ITGA2: variants seen among roughly 807,000 people sequenced by gnomAD.
The protein encoded by ITGA2 is integrin alpha-2.
Under a neutral mutation model 146.3 loss-of-function variants are expected in ITGA2, and 101 were observed. The ratio of observed to expected loss-of-function variants is 0.69; its 90% confidence interval spans 0.59 to 0.81. The LOEUF (loss-of-function observed/expected upper bound fraction) is 0.81. ITGA2 is among the 40% of genes least tolerant of loss of function. ITGA2 has a pLI of 0.00. For synonymous variants in ITGA2, 477 were observed against 487.1 expected (o/e 0.98, Z 0.27); for missense variants, 1,281 against 1,402.7 (o/e 0.91, Z 1.39).
rs142811893 is a variant in ITGA2, at chr5:53,005,983, G to T, written c.64+16451G>T. Among the ~76,000 whole-genome samples, 1,296 of 152,188 alleles carry T rather than the reference G, an allele frequency of 8.5e-3. 24 individuals carry two copies. Among genetic ancestry groups the T allele is most frequent in the African/African-American group, 0.03 (1,233 of 41,526 alleles). On this transcript the variant is annotated intron_variant, in intron 1 of 29. Coordinates refer to ENST00000296585, the MANE Select transcript of ITGA2 (RefSeq NM_002203.4). ...AGAAACAGAAAACCAAACACAGCAT[G>T]TTCTCACTCGTAAGTGGAAGCTGAA... is the stretch of plus-strand genomic sequence containing the variant.
chr5:53,036,044 T>TATTC (rs74507381), intron 2 of ITGA2, among the ~76,000 whole-genome samples: 10,537 of 149,936 alleles, frequency 0.07, 827 homozygotes, highest in African/African-American at 0.2. Flanking sequence ...CTTTGACTCG[T>TATTC]ATTCATTCAT....
intron 6 of ITGA2, among the ~76,000 whole-genome samples, chr5:53,050,593 T>A (rs1259316263): frequency 6.6e-6 from 1 of 152,146 alleles, no homozygotes; most frequent in Non-Finnish European, 1.5e-5. Flanking sequence ...TGACCTGTAT[T>A]TCAGAGAGCC....
chr5:53,014,343 A>G (rs1742299283), intron 1 of ITGA2, among the ~76,000 whole-genome samples: 1 of 152,180 alleles, frequency 6.6e-6, no homozygotes, highest in Non-Finnish European at 1.5e-5. Context: ...GTTTTTCTGC[A>G]TCTATTCAGA....
At position 53,090,465 on chromosome 5, in the gene ITGA2, C is replaced by T. The variant is rs1232053309; in HGVS notation, c.3466-54C>T. On this transcript the variant is annotated intron_variant, in intron 29 of 29. Transcript: ENST00000296585. ...CGTGGGCAGCCAAGGGGGTCAGAGG[C>T]ACCTTACAAAATAAGCCACGGGTGG... is the stretch of plus-strand genomic sequence containing the variant. 5 of 1,502,234 alleles carry T rather than the reference C, an allele frequency of 3.3e-6. No individual in the cohort carries two copies. In the African/African-American group the frequency reaches 6.9e-5, roughly 21 times the overall value. 93.1% of individuals were successfully genotyped at this position (1,502,234 alleles called of 1,614,324 possible).
chr5:53,000,833 A>G (rs1410511370), intron 1 of ITGA2, among the ~76,000 whole-genome samples: 1 of 147,926 alleles, frequency 6.8e-6, no homozygotes, highest in Non-Finnish European at 1.5e-5. Flanking sequence ...ATTTGACAAA[A>G]TTGTTTGAGG....
intron 2 of ITGA2, among the ~76,000 whole-genome samples, chr5:53,031,686 C>G (rs539947992): frequency 1.3e-5 from 2 of 152,276 alleles, no homozygotes; most frequent in Admixed American, 1.3e-4. Flanking sequence ...AATTCTGGAG[C>G]CTTTTTAACA....
chr5:53,031,400 G>A (rs3756537), intron 2 of ITGA2, among the ~76,000 whole-genome samples: 41,815 of 151,904 alleles, frequency 0.28, 5,849 homozygotes, highest in Admixed American at 0.32. Flanking sequence ...GACTTTCTTT[G>A]TAATCTTTCT....
At chr5:53,053,710 A>G (rs1432451062) in intron 7 of ITGA2, among the ~76,000 whole-genome samples, 1 of 152,078 alleles carries the variant, frequency 6.6e-6, no homozygotes, top group East Asian at 1.9e-4. Flanking sequence ...GCCCAGTGCT[A>G]GGAGAATCAC....
At chr5:53,084,477 T>C (rs991497424) in intron 27 of ITGA2, among the ~76,000 whole-genome samples, 3 of 152,094 alleles carry the variant, frequency 2.0e-5, no homozygotes, top group African/African-American at 7.2e-5. Context: ...ATAAGCAATA[T>C]TCTTGGACAA....
In ITGA2 at chr5:53,045,085, G is replaced by A. The variant is rs766091973; in HGVS notation, c.380G>A (p.Gly127Asp). 1 of 1,612,144 alleles carries A rather than the reference G, an allele frequency of 6.2e-7. No homozygotes were observed. Among genetic ancestry groups the A allele is most frequent in the Non-Finnish European group, 8.5e-7 (1 of 1,178,270 alleles). Residue 127 changes from glycine (G) to aspartate (D), a missense_variant, in exon 4 of 30, where the codon GGT (glycine) becomes GAT (aspartate). Around this residue, in one of 3 missense-constraint regions of ITGA2, gnomAD observed 795 missense variants for 841.7 expected, o/e 0.94. Coordinates refer to ENST00000296585, the MANE Select transcript of ITGA2 (RefSeq NM_002203.4). The stretch of plus-strand genomic sequence containing the variant: ...CTCACCAGGAACATGGGAACTGGAG[G>A]TTTTCTCGTGAGTGTTTACTTTACA... ...LILTRNMGTGGFLTCGPLWAQ... is the reference protein window; with the variant it reads ...LILTRNMGTGDFLTCGPLWAQ...
intron 1 of ITGA2, among the ~76,000 whole-genome samples, chr5:53,021,538 T>A (rs1415208155): frequency 6.6e-6 from 1 of 152,144 alleles, no homozygotes; most frequent in Non-Finnish European, 1.5e-5. Flanking sequence ...CCTAATTGTG[T>A]CCCCTGTGTC....
intron 20 of ITGA2, among the ~76,000 whole-genome samples, chr5:53,074,035 C>T (rs970677818): frequency 2.7e-5 from 4 of 149,956 alleles, no homozygotes; most frequent in Admixed American, 2.7e-4. Flanking sequence ...GAAAATGCTT[C>T]AAATAAATTG....
At chr5:53,032,252 T>A (rs368731496) in intron 2 of ITGA2, among the ~76,000 whole-genome samples, 2 of 152,216 alleles carry the variant, frequency 1.3e-5, no homozygotes, top group Non-Finnish European at 2.9e-5. Context: ...CTACATGTGT[T>A]ATGAATATAG....
intron 1 of ITGA2, among the ~76,000 whole-genome samples, chr5:53,009,652 G>T: frequency 6.6e-6 from 1 of 152,082 alleles, no homozygotes; most frequent in East Asian, 1.9e-4. Flanking sequence ...AGCCTATCTA[G>T]ATTGATTATA....
At chr5:53,061,105 G>T (rs780981438) in intron 12 of ITGA2, 59 bp downstream of exon 12, 12 of 1,560,172 alleles carry the variant, frequency 7.7e-6, no homozygotes, top group Non-Finnish European at 1.1e-5. Context: ...CAGGTGGGGA[G>T]TCAGGTGAAC....
chr5:53,053,831 T>A (rs1833557), intron 7 of ITGA2, among the ~76,000 whole-genome samples: 134,301 of 152,140 alleles, frequency 0.88, 59,668 homozygotes, highest in Admixed American at 0.93. Flanking sequence ...ATTTCAGTAA[T>A]TGTTGCCATG....
chr5:53,063,013 T>C, intron 13 of ITGA2, 84 bp downstream of exon 13: 1 of 1,081,940 alleles, frequency 9.2e-7, no homozygotes, highest in Non-Finnish European at 1.4e-6. Flanking sequence ...AATTTATTAT[T>C]ATTGAATGAT....
chr5:53,085,073 T>C (rs1023069455), intron 27 of ITGA2, among the ~76,000 whole-genome samples: 3 of 152,204 alleles, frequency 2.0e-5, no homozygotes, highest in African/African-American at 7.2e-5. Flanking sequence ...TCTTCCTCCT[T>C]CATGAAAAGT....
rs1315999959 is a variant in ITGA2 at position 53,081,673 on chromosome 5, A to G, written c.3121A>G (p.Asn1041Asp). 3.7e-6 allele frequency: 6 copies of G among 1,612,238 alleles called. No homozygotes were observed. The highest frequency in any genetic ancestry group is 4.2e-6 in the Non-Finnish European group (5 of 1,178,848). The part of the protein sequence containing the change: ...TSSSVSFKSE[N>D]FRHTKELNCR... Reference sequence around the variant, plus strand: ...TTCTTCTGTATCTTTCAAAAGTGAAAATTTCAGGCACACCAAAGAATTGGT... The same window carrying G: ...TTCTTCTGTATCTTTCAAAAGTGAAGATTTCAGGCACACCAAAGAATTGGT... The change falls in exon 26 of 30, where the codon AAT (asparagine) becomes GAT (aspartate). Residue 1041 changes from asparagine (N) to aspartate (D), a missense_variant. Asn to Asp is a conservative substitution (Grantham distance 23). Transcript: ENST00000296585.
Sources: gnomAD v4.1 joint callset for allele counts (sites outside exome capture counted in the v4.1 genomes callset) on GRCh38, gnomAD v4.1.1 for gene constraint, gnomAD v4.1.1 regional missense constraint, MANE v1.5 for transcripts, NCBI Gene and HGNC (gene_info 2026-07-23, HGNC 2026-07-21) for gene names.